The following ZNF333 variants were observed in gnomAD, a reference collection of about 807,000 sequenced individuals.
The protein encoded by ZNF333 is zinc finger protein 333.
Under a neutral mutation model 76.1 loss-of-function variants are expected in ZNF333, and 61 were observed. The ratio of observed to expected loss-of-function variants is 0.80; its 90% CI spans 0.65 to 0.99. ZNF333 has a LOEUF of 0.99. ZNF333 is among the 50% of genes least tolerant of loss of function. The pLI is 0.00. For synonymous variants in ZNF333, 284 were observed against 305.0 expected (o/e 0.93, Z 0.72); for missense variants, 717 against 822.4 (o/e 0.87, Z 1.57).
chr19:14,698,931 T>TAGATAGATAG (rs1187342140), intron 4 of ZNF333, among the ~76,000 whole-genome samples: 23 of 140,276 alleles, frequency 1.6e-4, no homozygotes, highest in Non-Finnish European at 3.1e-4. Context: ...TATATATATA[T>TAGATAGATAG]ATATACACAC....
chr19:14,731,293 C>T, exon 12 of ZNF333: 1 of 1,138,198 alleles, frequency 8.8e-7, no homozygotes, highest in Non-Finnish European at 1.3e-6. Context: ...TCCAAATCTG[C>T]AGATTCTGAA....
At chr19:14,723,744 G>A (rs2042616695), downstream of ZNF333, among the ~76,000 whole-genome samples, 1 of 152,014 alleles carries the variant, frequency 6.6e-6, no homozygotes, top group South Asian at 2.1e-4. Flanking sequence ...ACTCTCCTTG[G>A]TCCAAGTTAA....
downstream of ZNF333, among the ~76,000 whole-genome samples, chr19:14,726,884 AG>A (rs1338404084): frequency 6.6e-6 from 1 of 152,082 alleles, no homozygotes; most frequent in Non-Finnish European, 1.5e-5. Flanking sequence ...CTTCCTTCTG[AG>A]CCCTCCAAAC....
chr19:14,691,924 G>A (rs950587435), intron 1 of ZNF333, among the ~76,000 whole-genome samples: 2 of 152,114 alleles, frequency 1.3e-5, no homozygotes, highest in Non-Finnish European at 2.9e-5. Context: ...TGATCCACCC[G>A]CCTCGGCCTC....
intron 7 of ZNF333, chr19:14,707,842 C>T (rs987977429): frequency 4.0e-5 from 15 of 378,274 alleles, no homozygotes; most frequent in African/African-American, 8.4e-5. Flanking sequence ...TGAGCCACCG[C>T]GCCCGGCCAT....
In ZNF333 at chr19:14,699,188, A is replaced by G; in HGVS notation, c.224-11A>G. 6.2e-7 allele frequency: 1 copy of G among 1,611,372 alleles called. No homozygotes were observed. Among genetic ancestry groups the G allele is most frequent in the African/African-American group, 1.3e-5 (1 of 74,878 alleles). ...CTGAAAGGAGTTCATTTTTTCTCCCATTCATTTCAGCCTGGGAATCTCAAC... is the reference window on the plus strand; with the variant it reads ...CTGAAAGGAGTTCATTTTTTCTCCCGTTCATTTCAGCCTGGGAATCTCAAC... On this transcript the variant is annotated splice_polypyrimidine_tract_variant and intron_variant, in intron 4 of 11. Coordinates refer to ENST00000292530, the MANE Select transcript of ZNF333 (RefSeq NM_032433.4).
chr19:14,695,699 T>G, intron 4 of ZNF333, 38 bp downstream of exon 4: 1 of 1,576,478 alleles, frequency 6.3e-7, no homozygotes, highest in East Asian at 2.2e-5. Context: ...CCGACCCCCC[T>G]GGTTGGGTGG....
At chr19:14,717,185 T>C (rs1477805474) in intron 10 of ZNF333, 96 bp downstream of exon 10, 20 of 974,808 alleles carry the variant, frequency 2.1e-5, no homozygotes, top group African/African-American at 6.6e-5. Flanking sequence ...TTCATACCTT[T>C]GACTGAGAAG....
chr19:14,705,203 C>A, intron 6 of ZNF333, 33 bp downstream of exon 6: 1 of 1,591,254 alleles, frequency 6.3e-7, no homozygotes, highest in Non-Finnish European at 8.6e-7. Flanking sequence ...GTGATGGCAC[C>A]AGGTGCAGTC....
intron 7 of ZNF333, among the ~76,000 whole-genome samples, chr19:14,707,609 T>C (rs144508924): frequency 0.013 from 1,900 of 144,924 alleles, 38 homozygotes; most frequent in African/African-American, 0.046. Flanking sequence ...TGGACTGCAG[T>C]GGCACTATCC....
intron 4 of ZNF333, among the ~76,000 whole-genome samples, chr19:14,696,664 G>A (rs760857071): frequency 6.6e-6 from 1 of 150,818 alleles, no homozygotes; most frequent in South Asian, 2.1e-4. Flanking sequence ...TTACAGCAAG[G>A]CCACTCTTGA....
At chr19:14,703,950 TTTTTGGG>T (rs1419285802) in intron 5 of ZNF333, among the ~76,000 whole-genome samples, 10 of 152,074 alleles carry the variant, frequency 6.6e-5, no homozygotes, top group Admixed American at 2.6e-4. Context: ...TCTTTTTTGG[TTTTTGGG>T]TGACTTAAAC....
chr19:14,701,577 T>C, intron 5 of ZNF333: 2 of 985,456 alleles, frequency 2.0e-6, no homozygotes, highest in Non-Finnish European at 2.4e-6. Context: ...TCTCTCTTGC[T>C]CAGCAGGTGG....
downstream of ZNF333, among the ~76,000 whole-genome samples, chr19:14,725,929 C>T (rs1338607164): frequency 6.6e-6 from 1 of 152,188 alleles, no homozygotes; most frequent in Non-Finnish European, 1.5e-5. Flanking sequence ...TAGGCAGTGC[C>T]CTGGTAGGGA....
chr19:14,699,168 A>T (rs760421474), intron 4 of ZNF333, 31 bp from the exon 5 acceptor site: 2 of 1,548,448 alleles, frequency 1.3e-6, no homozygotes, highest in Non-Finnish European at 1.8e-6. Flanking sequence ...TCTTTCTGAA[A>T]GGAGTTCATT....
downstream of ZNF333, among the ~76,000 whole-genome samples, chr19:14,723,255 C>A (rs2042611722): frequency 6.6e-6 from 1 of 152,168 alleles, no homozygotes; most frequent in Non-Finnish European, 1.5e-5. Context: ...TATTTCTGGG[C>A]TCCCTCCTCG....
At position 14,705,159 on chromosome 19, in the gene ZNF333, C is replaced by T; in HGVS notation, c.412C>T (p.Leu138=). ...AGCTCTCCAGGAGCCGCCTTGGTCT[C>T]TGGGATGCACGGTAAGCCTGGGAGA... ...RPALQEPPWS[L]GCTGLKAAMQ... The change falls in exon 6 of 12, where the codon CTG becomes TTG. Residue 138 remains leucine (L), a synonymous_variant. Transcript: ENST00000292530. The T allele has an allele frequency of 6.2e-7, 1 of 1,613,330 alleles. No individual in the cohort carries two copies. Among genetic ancestry groups the T allele is most frequent in the African/African-American group, 1.3e-5 (1 of 74,998 alleles).
chr19:14,716,315 A>G, intron 9 of ZNF333, 77 bp downstream of exon 9: 3 of 1,517,522 alleles, frequency 2.0e-6, no homozygotes, highest in Non-Finnish European at 2.7e-6. Flanking sequence ...CTGGAGTGTG[A>G]TGGCGTGACC....
At chr19:14,715,492 T>C in intron 8 of ZNF333, 22 bp downstream of exon 8, 1 of 1,608,404 alleles carries the variant, frequency 6.2e-7, no homozygotes, top group Non-Finnish European at 8.5e-7. Flanking sequence ...CTTCTTGTTC[T>C]AAAAGAACAC....
Sources: gnomAD v4.1 joint callset for allele counts (sites outside exome capture counted in the v4.1 genomes callset) on GRCh38, gnomAD v4.1.1 for gene constraint, MANE v1.5 for transcripts, NCBI Gene and HGNC (gene_info 2026-07-23, HGNC 2026-07-21) for gene names.